Variants in KATNA1 observed in about 807,000 individuals in gnomAD.
KATNA1 encodes katanin p60 ATPase-containing subunit A1.
A neutral mutation model predicts 62.6 loss-of-function variants in KATNA1; 42 were observed. That is an observed-to-expected ratio of 0.67 (90% confidence interval 0.52 to 0.87). The LOEUF (loss-of-function observed/expected upper bound fraction) is 0.87, where lower values mean the gene tolerates loss of function less well. Ranked by LOEUF, KATNA1 falls within the 40% of genes least tolerant of loss-of-function variation. KATNA1 has a pLI of 0.00. For missense variants in KATNA1, 498 were observed against 612.5 expected (o/e 0.81, Z 1.97); for synonymous variants, 186 against 201.9 (o/e 0.92, Z 0.67).
chr6:149,606,124 G>GA (rs1484458321), intron 4 of KATNA1, among the ~76,000 whole-genome samples: 1 of 152,132 alleles, frequency 6.6e-6, no homozygotes, highest in Non-Finnish European at 1.5e-5. Context: ...TGTACAGAGA[G>GA]AAAATCAATG....
rs376841681 is a variant in KATNA1 at position 149,637,349 on chromosome 6, T to C, written c.162+1037A>G. 1.9e-4 allele frequency among the ~76,000 whole-genome samples: 29 copies of C among 151,578 alleles called. No homozygotes were observed. In the East Asian group the frequency reaches 4.7e-3, roughly 24 times the overall value. On this transcript the variant is annotated intron_variant, in intron 2 of 10. Coordinates refer to ENST00000367411, the MANE Select transcript of KATNA1 (RefSeq NM_007044.4). ...ATTGTTTGAGCCTGAGCCTGGGAGGTCAAGGCTGTAGAGACTGCACTCCCT... is the reference window on the plus strand; with the variant it reads ...ATTGTTTGAGCCTGAGCCTGGGAGGCCAAGGCTGTAGAGACTGCACTCCCT...
intron 3 of KATNA1, chr6:149,631,389 A>T (rs900883177): frequency 6.6e-6 from 1 of 152,102 alleles, no homozygotes; most frequent in Admixed American, 6.6e-5. Context: ...ACAGAGTGAG[A>T]CTCCGTCTCA....
rs1169018343 is a variant in KATNA1, at chr6:149,609,802, C to CAA, written c.502-5022_502-5021dup. On this transcript the variant is annotated intron_variant, in intron 4 of 10. Coordinates refer to ENST00000367411, the MANE Select transcript of KATNA1 (RefSeq NM_007044.4). ...TGGGCGACAGAGCTAGACTCCATCT[C>CAA]AAAAAAAAAAAAAATAGGCCAGGTG... Among the ~76,000 whole-genome samples, 11 of 64,524 alleles carry CAA rather than the reference C, an allele frequency of 1.7e-4. 1 individual carries two copies. Among genetic ancestry groups the CAA allele is most frequent in the East Asian group, 1.1e-3 (1 of 928 alleles). 42.3% of individuals were successfully genotyped at this position (64,524 alleles called of 152,430 possible).
intron 4 of KATNA1, among the ~76,000 whole-genome samples, chr6:149,615,230 GT>G (rs1779126190): frequency 6.7e-6 from 1 of 148,416 alleles, no homozygotes. Context: ...TTGAGATGGA[GT>G]TTTGCTCTGT....
chr6:149,635,272 G>A (rs1780025539), intron 2 of KATNA1, among the ~76,000 whole-genome samples: 1 of 152,006 alleles, frequency 6.6e-6, no homozygotes, highest in African/African-American at 2.4e-5. Context: ...CCGAGACTCT[G>A]CCTCCAAAAA....
intron 3 of KATNA1, among the ~76,000 whole-genome samples, chr6:149,626,496 G>A (rs1179078057): frequency 6.8e-6 from 1 of 146,820 alleles, no homozygotes; most frequent in Non-Finnish European, 1.5e-5. Flanking sequence ...GGGTTTCACC[G>A]TGGTCTCGAT....
At chr6:149,611,425 G>A (rs1371451272) in intron 4 of KATNA1, among the ~76,000 whole-genome samples, 2 of 138,642 alleles carry the variant, frequency 1.4e-5, no homozygotes, top group Non-Finnish European at 3.0e-5. Context: ...TGGCGCCATC[G>A]TACTCCAGCC....
intron 3 of KATNA1, among the ~76,000 whole-genome samples, chr6:149,631,784 C>T (rs1282585200): frequency 6.6e-6 from 1 of 152,174 alleles, no homozygotes; most frequent in African/African-American, 2.4e-5. Context: ...TCCACCTGCA[C>T]ACTTGTCAGT....
At chr6:149,617,077 T>C (rs1179526169) in intron 4 of KATNA1, among the ~76,000 whole-genome samples, 1 of 152,214 alleles carries the variant, frequency 6.6e-6, no homozygotes, top group Non-Finnish European at 1.5e-5. Flanking sequence ...ACTGTATGAT[T>C]CCACTCAGAT....
At chr6:149,645,981 T>G (rs931040704) in intron 1 of KATNA1, among the ~76,000 whole-genome samples, 1 of 152,136 alleles carries the variant, frequency 6.6e-6, no homozygotes, top group African/African-American at 2.4e-5. Context: ...TTATTCTCTC[T>G]CTAAACAACA....
intron 2 of KATNA1, among the ~76,000 whole-genome samples, chr6:149,634,216 T>C (rs939036743): frequency 6.8e-5 from 10 of 146,186 alleles, no homozygotes; most frequent in Non-Finnish European, 1.5e-4. Context: ...GAAGTTGCAG[T>C]GAGCCGAGAT....
intron 7 of KATNA1, among the ~76,000 whole-genome samples, chr6:149,600,886 G>A (rs143999757): frequency 1.8e-4 from 28 of 152,042 alleles, no homozygotes; most frequent in Non-Finnish European, 3.4e-4. Context: ...CGGATGCAGC[G>A]AGTTGTGATC....
chr6:149,616,716 T>C (rs1200053418), intron 4 of KATNA1, among the ~76,000 whole-genome samples: 2 of 152,030 alleles, frequency 1.3e-5, no homozygotes, highest in Non-Finnish European at 2.9e-5. Context: ...ATCGCGCCAT[T>C]GCACTCCAGC....
chr6:149,622,219 G>T (rs997611647), intron 4 of KATNA1, among the ~76,000 whole-genome samples: 1 of 150,986 alleles, frequency 6.6e-6, no homozygotes. Context: ...TGCAAGCTCC[G>T]CCTCTCGGGT....
chr6:149,634,273 A>AAAAAAATAAAATAAAAT (rs1779975106), intron 2 of KATNA1, among the ~76,000 whole-genome samples: 3 of 147,768 alleles, frequency 2.0e-5, no homozygotes, highest in Admixed American at 7.0e-5. Flanking sequence ...ACTCCATCTC[A>AAAAAAATAAAATAAAAT]AAAAAATAAA....
chr6:149,597,326 C>T, intron 9 of KATNA1, 137 bp from the exon 10 acceptor site: 1 of 1,199,618 alleles, frequency 8.3e-7, no homozygotes, highest in South Asian at 1.6e-5. Context: ...AGTAAAGAGC[C>T]ATTCTTTACT....
At chr6:149,597,742 C>A (rs1022567387) in intron 8 of KATNA1, 101 bp from the exon 9 acceptor site, 16 of 1,100,978 alleles carry the variant, frequency 1.5e-5, no homozygotes, top group Non-Finnish European at 2.1e-5. Context: ...TACAACAATA[C>A]AAGGAAGCAC....
At chr6:149,628,130 G>A (rs1779688560) in intron 3 of KATNA1, among the ~76,000 whole-genome samples, 1 of 150,944 alleles carries the variant, frequency 6.6e-6, no homozygotes, top group African/African-American at 2.4e-5. Flanking sequence ...GAAACGGAGT[G>A]TCTGTCGCCC....
At chr6:149,616,781 A>G (rs1779183839) in intron 4 of KATNA1, among the ~76,000 whole-genome samples, 1 of 152,200 alleles carries the variant, frequency 6.6e-6, no homozygotes, top group Non-Finnish European at 1.5e-5. Flanking sequence ...TGGAATTACC[A>G]TATGACCCAG....
Sources: allele counts gnomAD v4.1 joint callset (sites outside exome capture counted in the v4.1 genomes callset), GRCh38; gene constraint gnomAD v4.1.1; transcripts MANE v1.5; gene names NCBI Gene and HGNC (gene_info 2026-07-23, HGNC 2026-07-21).